The following NAALADL2 variants were observed in gnomAD, a reference collection of about 807,000 sequenced individuals.
NAALADL2 encodes inactive N-acetylated-alpha-linked acidic dipeptidase-like protein 2.
In NAALADL2, 76 loss-of-function variants were observed where a neutral mutation model predicts 87.2. That is an observed-to-expected ratio of 0.87 (90% confidence interval 0.72 to 1.05). NAALADL2 has a LOEUF of 1.05. Ranked by LOEUF, NAALADL2 falls within the 50% of genes least tolerant of loss-of-function variation. The pLI, the probability that NAALADL2 is intolerant of heterozygous loss-of-function variation, is 0.00. For synonymous variants in NAALADL2, 354 were observed against 331.0 expected (o/e 1.07, Z -0.75); for missense variants, 1,089 against 945.8 (o/e 1.15, Z -1.99).
At chr3:175,168,392 G>C (rs1734293826) in intron 2 of NAALADL2, among the ~76,000 whole-genome samples, 1 of 151,720 alleles carries the variant, frequency 6.6e-6, no homozygotes, top group Non-Finnish European at 1.5e-5. Flanking sequence ...TTCCATAGGA[G>C]ACTTTTCTGG....
chr3:175,722,329 A>G (rs1481167717), intron 11 of NAALADL2, among the ~76,000 whole-genome samples: 2 of 152,114 alleles, frequency 1.3e-5, no homozygotes, highest in Non-Finnish European at 2.9e-5. Flanking sequence ...TTGTGTAGCA[A>G]TTAATTTTTC....
intron 1 of NAALADL2, among the ~76,000 whole-genome samples, chr3:174,460,839 G>A (rs999206456): frequency 1.3e-5 from 2 of 151,954 alleles, no homozygotes. Context: ...CTTCAATTGA[G>A]TAAGCTTATT....
At chr3:175,305,729 T>C (rs62287006) in intron 4 of NAALADL2, among the ~76,000 whole-genome samples, 33,308 of 151,952 alleles carry the variant, frequency 0.22, 4,061 homozygotes, top group Middle Eastern at 0.26. Context: ...TCCATGTTGG[T>C]CAGGCTGGTA....
intron 1 of NAALADL2, among the ~76,000 whole-genome samples, chr3:175,071,519 G>A (rs932910755): frequency 7.2e-5 from 11 of 151,878 alleles, no homozygotes; most frequent in Non-Finnish European, 1.2e-4. Flanking sequence ...ATACCTCTGG[G>A]AGAGTATAAC....
chr3:175,509,541 A>G (rs1730841325), intron 9 of NAALADL2, among the ~76,000 whole-genome samples: 1 of 152,214 alleles, frequency 6.6e-6, no homozygotes, highest in African/African-American at 2.4e-5. Flanking sequence ...AAACAGCTCT[A>G]TTGTAGTAAT....
intron 4 of NAALADL2, among the ~76,000 whole-genome samples, chr3:175,268,664 C>A (rs1208340465): frequency 2.6e-5 from 4 of 151,922 alleles, no homozygotes; most frequent in Non-Finnish European, 5.9e-5. Flanking sequence ...TTGTTTATAT[C>A]CTTGTTCTAT....
chr3:175,471,800 G>A (rs776271269), intron 9 of NAALADL2, 42 bp downstream of exon 9: 26 of 1,515,852 alleles, frequency 1.7e-5, no homozygotes, highest in East Asian at 4.8e-5. Context: ...ATGCAAAACC[G>A]ACCTTTTCTC....
intron 1 of NAALADL2, among the ~76,000 whole-genome samples, chr3:174,962,737 G>A (rs1027113268): frequency 6.6e-6 from 1 of 151,980 alleles, no homozygotes; most frequent in African/African-American, 2.4e-5. Flanking sequence ...AAAGTGAAAT[G>A]ATTTGAAGAG....
At chr3:174,829,714 T>C (rs1722433161) in intron 3 of NAALADL2, among the ~76,000 whole-genome samples, 6 of 143,006 alleles carry the variant, frequency 4.2e-5, no homozygotes, top group African/African-American at 8.1e-5. Context: ...ATGGTTGAAC[T>C]AGTTTACAGT....
At chr3:174,749,125 A>G (rs1028670742) in intron 3 of NAALADL2, among the ~76,000 whole-genome samples, 2 of 147,786 alleles carry the variant, frequency 1.4e-5, no homozygotes, top group Admixed American at 6.7e-5. Flanking sequence ...TACCATGCCT[A>G]ATCCCAATTT....
intron 5 of NAALADL2, among the ~76,000 whole-genome samples, chr3:175,370,896 C>A (rs575398776): frequency 1.5e-4 from 23 of 152,244 alleles, no homozygotes; most frequent in African/African-American, 5.5e-4. Flanking sequence ...CTCTTGAGAA[C>A]CTCTTTGCTT....
chr3:175,306,249 C>T (rs1422634363), intron 4 of NAALADL2, among the ~76,000 whole-genome samples: 3 of 152,086 alleles, frequency 2.0e-5, no homozygotes, highest in Non-Finnish European at 4.4e-5. Context: ...TACATTGCTA[C>T]ATTAATGATG....
Position 174,670,895 on chromosome 3 carries a change from T to G in NAALADL2, c.-114-66746T>G, listed in dbSNP as rs1726467037. Reference sequence around the variant, plus strand: ...GGAGGTGACTAGATCATGCGAGTGGTTTTTCATTGTTTAACACTATCCACC... The same window carrying G: ...GGAGGTGACTAGATCATGCGAGTGGGTTTTCATTGTTTAACACTATCCACC... On this transcript the variant is annotated intron_variant, in intron 2 of 3. Transcript: ENST00000434257. 2.0e-5 allele frequency among the ~76,000 whole-genome samples: 3 copies of G among 151,836 alleles called. No homozygotes were observed. The South Asian group carries it at 6.2e-4, about 32-fold the overall frequency.
intron 13 of NAALADL2, among the ~76,000 whole-genome samples, chr3:175,783,793 G>A (rs1751504600): frequency 6.7e-6 from 1 of 150,032 alleles, no homozygotes; most frequent in Non-Finnish European, 1.5e-5. Context: ...TTTTCAAAGG[G>A]AATGCTTCCA....
At chr3:174,946,735 G>A (rs1275987399) in intron 1 of NAALADL2, among the ~76,000 whole-genome samples, 1 of 152,064 alleles carries the variant, frequency 6.6e-6, no homozygotes, top group Non-Finnish European at 1.5e-5. Context: ...GAGAGAATGT[G>A]GAAAGGTAGA....
chr3:175,397,351 C>G (rs1251784097), intron 5 of NAALADL2: 1 of 152,054 alleles, frequency 6.6e-6, no homozygotes, highest in Admixed American at 6.6e-5. Context: ...GCAAGCAATT[C>G]CCACCATTTC....
intron 2 of NAALADL2, among the ~76,000 whole-genome samples, chr3:174,590,166 A>G (rs1056815150): frequency 6.7e-6 from 1 of 149,656 alleles, no homozygotes; most frequent in East Asian, 1.9e-4. Flanking sequence ...AGAACCATAG[A>G]TTTTTTTTTT....
At chr3:175,470,244 T>C (rs972113380) in intron 8 of NAALADL2, among the ~76,000 whole-genome samples, 1 of 151,870 alleles carries the variant, frequency 6.6e-6, no homozygotes, top group Non-Finnish European at 1.5e-5. Flanking sequence ...GCCTGGGGTA[T>C]GGAGGGAACG....
chr3:174,632,292 G>A (rs1003549926), intron 2 of NAALADL2, among the ~76,000 whole-genome samples: 2 of 152,138 alleles, frequency 1.3e-5, no homozygotes, highest in Non-Finnish European at 2.9e-5. Context: ...ACTATTGACC[G>A]TGCTCTATCC....
Sources: allele counts gnomAD v4.1 joint callset (sites outside exome capture counted in the v4.1 genomes callset), GRCh38; gene constraint gnomAD v4.1.1; transcripts MANE v1.5; gene names NCBI Gene and HGNC (gene_info 2026-07-23, HGNC 2026-07-21).